JADE3: variants seen among roughly 807,000 people sequenced by gnomAD.
JADE3 encodes jade family PHD finger 3, also known as protein Jade-3.
Under a neutral mutation model 50.1 loss-of-function variants are expected in JADE3, and 2 were observed. The observed-to-expected ratio is 0.04, with a 90% confidence interval of 0.02 to 0.13. The LOEUF (loss-of-function observed/expected upper bound fraction) is 0.13. Ranked by LOEUF, JADE3 falls within the 10% of genes least tolerant of loss-of-function variation. The pLI is 1.00. For synonymous variants in JADE3, 218 were observed against 232.9 expected (o/e 0.94, Z 0.58); for missense variants, 475 against 634.4 (o/e 0.75, Z 2.70).
intron 1 of JADE3, among the ~76,000 whole-genome samples, chrX:46,916,901 C>T (rs1423129457): frequency 9.0e-6 from 1 of 111,082 alleles, no homozygotes; most frequent in East Asian, 2.8e-4. Context: ...CTCTGGGAGT[C>T]ATTTGGGATG....
At chrX:46,994,393 T>C (rs782736384) in intron 3 of JADE3, among the ~76,000 whole-genome samples, 4 of 112,263 alleles carry the variant, frequency 3.6e-5, no homozygotes, top group Non-Finnish European at 5.6e-5. Flanking sequence ...AGTTATCTGG[T>C]AAGTACAAAG....
At chrX:46,929,400 C>A (rs1457442628) in intron 1 of JADE3, among the ~76,000 whole-genome samples, 1 of 111,908 alleles carries the variant, frequency 8.9e-6, no homozygotes, top group East Asian at 2.8e-4. Context: ...AATAAACTTA[C>A]TTGAAAGAGC....
At chrX:46,927,746 C>T (rs1423829275) in intron 1 of JADE3, among the ~76,000 whole-genome samples, 1 of 111,755 alleles carries the variant, frequency 8.9e-6, no homozygotes. Context: ...CAGAAATACT[C>T]AGCAAGTCTT....
chrX:47,038,234 G>A (rs933656906), intron 7 of JADE3, among the ~76,000 whole-genome samples: 1 of 111,436 alleles, frequency 9.0e-6, no homozygotes, highest in African/African-American at 3.3e-5. Flanking sequence ...CTTGACTATC[G>A]TGAACATTGC....
intron 8 of JADE3, among the ~76,000 whole-genome samples, chrX:47,042,881 C>T (rs1438571889): frequency 8.9e-6 from 1 of 111,770 alleles, no homozygotes; most frequent in Non-Finnish European, 1.9e-5. Context: ...GCAGTGATCA[C>T]TGCAGGCCTT....
chrX:46,998,838 G>A (rs1298694224), intron 4 of JADE3, among the ~76,000 whole-genome samples: 4 of 110,012 alleles, frequency 3.6e-5, no homozygotes, highest in Non-Finnish European at 5.7e-5. Context: ...AATTACAGGC[G>A]TGCACCACCT....
At chrX:47,025,023 C>T (rs1190210598) in intron 5 of JADE3, 109 bp downstream of exon 5, 1 of 415,755 alleles carries the variant, frequency 2.4e-6, no homozygotes, top group Non-Finnish European at 4.1e-6. Context: ...CTTTTCTGGC[C>T]TTTTCATTTA....
chrX:46,957,260 T>G (rs868925856), intron 1 of JADE3, among the ~76,000 whole-genome samples: 1 of 61,727 alleles, frequency 1.6e-5, no homozygotes, highest in African/African-American at 6.0e-5. Flanking sequence ...TAGATAGATA[T>G]AAACGATATA....
chrX:46,929,703 T>C (rs1315336110), intron 1 of JADE3, among the ~76,000 whole-genome samples: 1 of 111,984 alleles, frequency 8.9e-6, no homozygotes, highest in East Asian at 2.8e-4. Context: ...TACCCAATCA[T>C]AATCTTTCCC....
chrX:46,963,028 G>A (rs782254303), intron 1 of JADE3, among the ~76,000 whole-genome samples: 4 of 110,824 alleles, frequency 3.6e-5, no homozygotes, highest in Non-Finnish European at 7.6e-5. Flanking sequence ...TAGTAGAGAC[G>A]GGGTTTCACC....
chrX:47,034,183 G>A (rs1363783798), intron 7 of JADE3, among the ~76,000 whole-genome samples: 1 of 110,833 alleles, frequency 9.0e-6, no homozygotes, highest in African/African-American at 3.3e-5. Flanking sequence ...CAAATTTTAA[G>A]TGTAGAGTTT....
intron 8 of JADE3, among the ~76,000 whole-genome samples, chrX:47,046,896 G>A (rs1556370799): frequency 8.9e-6 from 1 of 112,291 alleles, no homozygotes; most frequent in South Asian, 3.7e-4. Flanking sequence ...AACTAAAAGG[G>A]TATAATTGGA....
At chrX:46,956,814 C>G (rs935355388) in intron 1 of JADE3, among the ~76,000 whole-genome samples, 5 of 102,680 alleles carry the variant, frequency 4.9e-5, no homozygotes, top group African/African-American at 1.8e-4. Context: ...CCCTCCCCTC[C>G]CCTTTCCTTT....
intron 1 of JADE3, among the ~76,000 whole-genome samples, chrX:46,922,444 AT>A (rs1926242968): frequency 9.1e-6 from 1 of 109,560 alleles, no homozygotes; most frequent in African/African-American, 3.3e-5. Flanking sequence ...AAATAATTCT[AT>A]CTTGTTCTTT....
chrX:46,978,968 T>G (rs1338287771), intron 1 of JADE3, among the ~76,000 whole-genome samples: 1 of 112,593 alleles, frequency 8.9e-6, no homozygotes, highest in Non-Finnish European at 1.9e-5. Flanking sequence ...TTCTGTCATT[T>G]TCCTACAATA....
In JADE3 at chrX:47,054,416, G is replaced by A. The variant is rs1264310182; in HGVS notation, c.1231G>A (p.Val411Ile). Reference sequence around the variant, plus strand: ...GCTGGAGGAGGAGTTCTATTCCTTGGTACGAGTGGAAGATGTGGCCGCAGA... The same window carrying A: ...GCTGGAGGAGGAGTTCTATTCCTTGATACGAGTGGAAGATGTGGCCGCAGA... ...RELEEEFYSL[V>I]RVEDVAAELG... Residue 411 changes from valine to isoleucine, a missense_variant, in exon 9 of 11, where the codon GTA becomes ATA. Around this residue, in one of 6 missense-constraint regions of JADE3, gnomAD observed 81 missense variants for 123.8 expected, o/e 0.65. Transcript: ENST00000614628. 15 of 1,209,486 alleles carry A rather than the reference G, an allele frequency of 1.2e-5. No homozygotes were observed. In the Admixed American group the frequency reaches 3.3e-4, roughly 26 times the overall value.
intron 8 of JADE3, 49 bp downstream of exon 8, chrX:47,039,114 G>A: frequency 1.6e-6 from 1 of 638,346 alleles, no homozygotes. Flanking sequence ...AAATTAGCTG[G>A]ACTCACCCTC....
In JADE3 at chrX:47,058,884, C is replaced by T; in HGVS notation, c.2279C>T (p.Pro760Leu). 1 of 1,211,077 alleles carries T rather than the reference C, an allele frequency of 8.3e-7. No individual in the cohort carries two copies. ...QVLRRSAGRA[P>L]YQENDGYCPD... is the part of the protein sequence containing the mutation. ...CTCAGGCGGTCTGCAGGGAGAGCTC[C>T]ATATCAGGAAAATGATGGCTATTGC... The change falls in exon 11 of 11, where the codon CCA becomes CTA. Residue 760 changes from proline (P) to leucine (L), a missense_variant. Coordinates refer to ENST00000614628, the MANE Select transcript of JADE3 (RefSeq NM_014735.5).
At chrX:46,996,315 G>A (rs989286710) in intron 3 of JADE3, among the ~76,000 whole-genome samples, 7 of 112,229 alleles carry the variant, frequency 6.2e-5, no homozygotes, top group African/African-American at 1.9e-4. Flanking sequence ...GATTACAGGC[G>A]TGAGCCACTG....
Sources: allele counts gnomAD v4.1 joint callset (sites outside exome capture counted in the v4.1 genomes callset), GRCh38; gene constraint gnomAD v4.1.1; regional missense constraint gnomAD v4.1.1; transcripts MANE v1.5; gene names NCBI Gene and HGNC (gene_info 2026-07-23, HGNC 2026-07-21).